Variants in GAL3ST4 observed in about 807,000 individuals in gnomAD.
The protein encoded by GAL3ST4 is galactose-3-O-sulfotransferase 4.
A neutral mutation model predicts 31.6 loss-of-function variants in GAL3ST4; 30 were observed. That is an observed-to-expected ratio of 0.95 (90% CI 0.71 to 1.29). The LOEUF (loss-of-function observed/expected upper bound fraction) is 1.29, where lower values mean the gene tolerates loss of function less well. Among genes scored for constraint, GAL3ST4 ranks in the 50% most tolerant of loss-of-function variants. The probability of loss-of-function intolerance (pLI) is 0.00; values close to 1 mark genes in which losing one functional copy is unlikely to be tolerated. For synonymous variants in GAL3ST4, 248 were observed against 256.9 expected, an observed-to-expected ratio of 0.97 and a Z score of 0.33; for missense variants, 629 against 625.2, an observed-to-expected ratio of 1.01 and a Z score of -0.06.
intron 1 of GAL3ST4, chr7:100,167,879 G>GAGAC (rs962815893): frequency 1.3e-5 from 2 of 152,298 alleles, no homozygotes; most frequent in African/African-American, 4.8e-5. Flanking sequence ...GGGGCTGGGG[G>GAGAC]AGACGTGTGG....
intron 3 of GAL3ST4, among the ~76,000 whole-genome samples, chr7:100,161,507 C>A (rs567370753): frequency 6.6e-6 from 1 of 151,856 alleles, no homozygotes; most frequent in Non-Finnish European, 1.5e-5. Context: ...AAAAATTAGC[C>A]AGGTGTGATG....
chr7:100,161,753 A>G (rs926493040), intron 3 of GAL3ST4, among the ~76,000 whole-genome samples: 13 of 152,188 alleles, frequency 8.5e-5, no homozygotes, highest in Admixed American at 7.2e-4. Context: ...CTATGCAGCC[A>G]TAGAAAAGAA....
At position 100,166,656 on chromosome 7, in the gene GAL3ST4, T is replaced by C. The variant is rs2116975108; in HGVS notation, c.275A>G (p.Gln92Arg). 1 of 1,614,214 alleles carries C rather than the reference T, an allele frequency of 6.2e-7. No individual in the cohort carries two copies. Among genetic ancestry groups the C allele is most frequent in the Non-Finnish European group, 8.5e-7 (1 of 1,180,040 alleles). ...AGGGAGGGCGAAGCGCAGCCCGTGC[T>C]GGTCCCCATAGCGGTGAAGCAGGCT... Reference protein sequence around the residue: ...VLSLLHRYGDQHGLRFALPAR... With the variant: ...VLSLLHRYGDRHGLRFALPAR... Residue 92 changes from glutamine to arginine, a missense_variant, in exon 3 of 4, where the codon CAG (glutamine) becomes CGG (arginine). By Grantham distance (43) the Gln-to-Arg change is conservative. Coordinates refer to ENST00000360039, the MANE Select transcript of GAL3ST4 (RefSeq NM_024637.5).
At position 100,159,651 on chromosome 7, in the gene GAL3ST4, C is replaced by T. The variant is rs956614388; in HGVS notation, c.*277G>A. On this transcript the variant is annotated 3_prime_UTR_variant, in exon 4 of 4. Transcript: ENST00000360039. ...AGGAGAATCGCTTGAACCTGGGAGG[C>T]AGAGGTTGCAGTGAGCCGAGATCAT... 4 of 320,544 alleles carry T rather than the reference C, an allele frequency of 1.2e-5. No homozygotes were observed. The highest frequency in any genetic ancestry group is 2.3e-5 in the Non-Finnish European group (4 of 173,510). The allele number at this position is 320,544 out of a possible 1,614,324, so 19.9% of individuals were successfully genotyped here. A position where few individuals can be genotyped will look rare whatever the true frequency, so the allele number is the denominator to read the frequency against.
Position 100,159,951 on chromosome 7 carries a change from T to A in GAL3ST4, c.1438A>T (p.Thr480Ser). 6.2e-7 allele frequency: 1 copy of A among 1,608,826 alleles called. No individual in the cohort carries two copies. Among genetic ancestry groups the A allele is most frequent in the Non-Finnish European group, 8.5e-7 (1 of 1,177,346 alleles). The change falls in exon 4 of 4, where the codon ACT (threonine) becomes TCT (serine). Residue 480 changes from threonine to serine, a missense_variant. Coordinates refer to ENST00000360039, the MANE Select transcript of GAL3ST4 (RefSeq NM_024637.5). ...FPPTVSLPLK[T>S]SRPLSP ...GTTTATGGGGAGAGTGGCCTTGAAGTCTTGAGGGGCAGTGAGACGGTAGGG... is the reference window on the plus strand; with the variant it reads ...GTTTATGGGGAGAGTGGCCTTGAAGACTTGAGGGGCAGTGAGACGGTAGGG...
At chr7:100,165,401 C>T (rs1337237906) in intron 3 of GAL3ST4, among the ~76,000 whole-genome samples, 6 of 152,144 alleles carry the variant, frequency 3.9e-5, no homozygotes, top group Admixed American at 3.9e-4. Flanking sequence ...GAACTTCTGA[C>T]CTCAGGTGAT....
At chr7:100,162,057 A>G (rs1799011529) in intron 3 of GAL3ST4, among the ~76,000 whole-genome samples, 1 of 152,178 alleles carries the variant, frequency 6.6e-6, no homozygotes, top group Non-Finnish European at 1.5e-5. Flanking sequence ...CAGTGCATCA[A>G]ACCACCAGGG....
intron 1 of GAL3ST4, 85 bp from the exon 2 acceptor site, chr7:100,167,368 T>C (rs1799091843): frequency 1.7e-5 from 11 of 650,526 alleles, no homozygotes; most frequent in Admixed American, 3.2e-5. Flanking sequence ...TGAGACCTCC[T>C]TCAGGGAAGG....
At position 100,166,642 on chromosome 7, in the gene GAL3ST4, A is replaced by G. The variant is rs769893796; in HGVS notation, c.289T>C (p.Phe97Leu). 6.2e-7 allele frequency: 1 copy of G among 1,614,212 alleles called. No individual in the cohort carries two copies. The highest frequency in any genetic ancestry group is 1.1e-5 in the South Asian group (1 of 91,086). ...AACTGGTAGCGGGCAGGGAGGGCGAAGCGCAGCCCGTGCTGGTCCCCATAG... is the reference window on the plus strand; with the variant it reads ...AACTGGTAGCGGGCAGGGAGGGCGAGGCGCAGCCCGTGCTGGTCCCCATAG... ...HRYGDQHGLR[F>L]ALPARYQFGY... is the part of the protein sequence containing the mutation. Residue 97 changes from phenylalanine (F) to leucine (L), a missense_variant, in exon 3 of 4, where the codon TTC (phenylalanine) becomes CTC (leucine). Phe to Leu is a conservative substitution (Grantham distance 22, BLOSUM62 0). Coordinates refer to ENST00000360039, the MANE Select transcript of GAL3ST4 (RefSeq NM_024637.5).
intron 3 of GAL3ST4, among the ~76,000 whole-genome samples, chr7:100,162,196 G>A: frequency 6.6e-6 from 1 of 152,030 alleles, no homozygotes; most frequent in Non-Finnish European, 1.5e-5. Flanking sequence ...TGAGGTGGTA[G>A]GATTGCTTAA....
intron 3 of GAL3ST4, among the ~76,000 whole-genome samples, chr7:100,165,120 C>T (rs1229131368): frequency 2.6e-5 from 4 of 152,070 alleles, no homozygotes; most frequent in African/African-American, 9.7e-5. Context: ...GTGATCCACC[C>T]GCCTTGGCCT....
In GAL3ST4 at chr7:100,167,301, G is replaced by A; in HGVS notation, c.-188-18C>T. On this transcript the variant is annotated intron_variant, in intron 1 of 3. Coordinates refer to ENST00000360039, the MANE Select transcript of GAL3ST4 (RefSeq NM_024637.5). ...GTCAGCGTCTAGAAGGGAAATGAGGGGGGAAGAAGGGAAGTCTAAGGAGAG... is the reference window on the plus strand; with the variant it reads ...GTCAGCGTCTAGAAGGGAAATGAGGAGGGAAGAAGGGAAGTCTAAGGAGAG... 7.9e-7 allele frequency: 1 copy of A among 1,273,530 alleles called. No individual in the cohort carries two copies. The highest frequency in any genetic ancestry group is 1.1e-6 in the Non-Finnish European group (1 of 948,884). The allele number at this position is 1,273,530 out of a possible 1,614,324, so 78.9% of individuals were successfully genotyped here.
At chr7:100,167,870 G>A (rs2116976632) in intron 1 of GAL3ST4, 1 of 152,426 alleles carries the variant, frequency 6.6e-6, no homozygotes, top group South Asian at 2.1e-4. Context: ...TGTATGACAG[G>A]GGCTGGGGGA....
In GAL3ST4 at chr7:100,159,754, G is replaced by T; in HGVS notation, c.*174C>A. On this transcript the variant is annotated 3_prime_UTR_variant, in exon 4 of 4. Transcript: ENST00000360039. ...AAAAGTTGGGGGGAAAGAACAAAAT[G>T]AGTGGAGGGTGGAGGAGGGAAGCAC... The T allele has an allele frequency of 1.7e-6, 1 of 575,062 alleles. No homozygotes were observed. Among genetic ancestry groups the T allele is most frequent in the Non-Finnish European group, 3.0e-6 (1 of 332,674 alleles). The allele number at this position is 575,062 out of a possible 1,614,324, so 35.6% of individuals were successfully genotyped here. A position where few individuals can be genotyped will look rare whatever the true frequency, so the allele number is the denominator to read the frequency against.
Position 100,160,665 on chromosome 7 carries a change from C to G in GAL3ST4, c.724G>C (p.Val242Leu). The G allele has an allele frequency of 6.2e-7, 1 of 1,613,882 alleles. No individual in the cohort carries two copies. The highest frequency in any genetic ancestry group is 8.5e-7 in the Non-Finnish European group (1 of 1,180,012). The stretch of plus-strand genomic sequence containing the variant: ...CGAGGGCCAGCACCAGAAGGCAAGA[C>G]CTGCAGCTGTGGGGGGTTGGGGTCT... ...PRDPNPPQLQVLPSGAGPRAQ... is the reference protein window; with the variant it reads ...PRDPNPPQLQLLPSGAGPRAQ... Residue 242 changes from valine (V) to leucine (L), a missense_variant, in exon 4 of 4, where the codon GTC becomes CTC. By Grantham distance (32) the Val-to-Leu change is conservative. Transcript: ENST00000360039.
rs1799104426 is a variant in GAL3ST4, at chr7:100,168,011, C to G, written c.-189+535G>C. 6.8e-6 allele frequency: 1 copy of G among 147,840 alleles called. No individual in the cohort carries two copies. Among genetic ancestry groups the G allele is most frequent in the African/African-American group, 2.4e-5 (1 of 40,968 alleles). 9.2% of individuals were successfully genotyped at this position (147,840 alleles called of 1,614,324 possible). A position where few individuals can be genotyped will look rare whatever the true frequency, so the allele number is the denominator to read the frequency against. On this transcript the variant is annotated intron_variant, in intron 1 of 3. Coordinates refer to ENST00000360039, the MANE Select transcript of GAL3ST4 (RefSeq NM_024637.5). This position sits in a 1 kb window ranked among gnomAD's most constrained non-coding sequence, Gnocchi z 4.1. ...GGAGACAGAAAGAGAGAGAGACACA[C>G]ACACACACACACACACACACAGAGA... is the stretch of plus-strand genomic sequence containing the variant.
chr7:100,160,742 A>G lies in GAL3ST4; in HGVS notation c.647T>C (p.Leu216Pro). ...ARNLLWFDFG[L>P]PFPPEKRAKR... ...GGCCCTCTTCTCTGGGGGAAAGGGCAGGCCAAAGTCAAACCATAGTAAGTT... is the reference window on the plus strand; with the variant it reads ...GGCCCTCTTCTCTGGGGGAAAGGGCGGGCCAAAGTCAAACCATAGTAAGTT... The change falls in exon 4 of 4, where the codon CTG becomes CCG. Residue 216 changes from leucine (L) to proline (P), a missense_variant. Leu to Pro is a moderately conservative substitution (Grantham distance 98, BLOSUM62 -3). Coordinates refer to ENST00000360039, the MANE Select transcript of GAL3ST4 (RefSeq NM_024637.5). 1.2e-6 allele frequency: 2 copies of G among 1,614,144 alleles called. No homozygotes were observed. Among genetic ancestry groups the G allele is most frequent in the Non-Finnish European group, 1.7e-6 (2 of 1,180,020 alleles).
In GAL3ST4 at chr7:100,166,778, G is replaced by A. The variant is rs1261681860; in HGVS notation, c.153C>T (p.Pro51=). The change falls in exon 3 of 4, where the codon CCC becomes CCT. Residue 51 remains proline (P), a synonymous_variant. Coordinates refer to ENST00000360039, the MANE Select transcript of GAL3ST4 (RefSeq NM_024637.5). ...GGGCTGGTCGTAGGGATGGGGCCGA[G>A]GGCTGTCGGAGCTGTAGCCCAGGTA... The part of the protein sequence containing the change: ...RRLPGLQLRQ[P]SAPSLRPALP... 6.2e-7 allele frequency: 1 copy of A among 1,610,632 alleles called. No homozygotes were observed.
In GAL3ST4 at chr7:100,167,041, C is replaced by T; in HGVS notation, c.55G>A (p.Gly19Arg). ...TLRLWGPRSL[G>R]VALGVFMTIG... The stretch of plus-strand genomic sequence containing the variant: ...GTCATGAAGACTCCCAGAGCCACCC[C>T]CAGGCTCCGAGGTCCCCAGAGCCGC... The change falls in exon 2 of 4, where the codon GGG (glycine) becomes AGG (arginine). Residue 19 changes from glycine to arginine, a missense_variant. Coordinates refer to ENST00000360039, the MANE Select transcript of GAL3ST4 (RefSeq NM_024637.5). 1 of 1,564,206 alleles carries T rather than the reference C, an allele frequency of 6.4e-7. No individual in the cohort carries two copies. The highest frequency in any genetic ancestry group is 8.7e-7 in the Non-Finnish European group (1 of 1,153,888).
Sources: gnomAD v4.1 joint callset for allele counts (sites outside exome capture counted in the v4.1 genomes callset) on GRCh38, gnomAD v4.1.1 for gene constraint, Gnocchi (gnomAD v3.1) non-coding constraint, MANE v1.5 for transcripts, NCBI Gene and HGNC (gene_info 2026-07-23, HGNC 2026-07-21) for gene names.